Variants in SETBP1 observed in about 807,000 individuals in gnomAD.
The protein encoded by SETBP1 is SET-binding protein.
Under a neutral mutation model 101.0 loss-of-function variants are expected in SETBP1, and 9 were observed. The observed-to-expected ratio is 0.09, with a 90% CI of 0.05 to 0.16. The LOEUF (loss-of-function observed/expected upper bound fraction) is 0.16, where lower values mean the gene tolerates loss of function less well. Ranked by LOEUF, SETBP1 falls within the 10% of genes least tolerant of loss-of-function variation. SETBP1 has a pLI of 1.00. For missense variants in SETBP1, 1,858 were observed against 2,033.8 expected (o/e 0.91, Z 1.66); for synonymous variants, 818 against 788.5 (o/e 1.04, Z -0.63).
At chr18:44,815,932 G>A (rs1216605250) in intron 2 of SETBP1, among the ~76,000 whole-genome samples, 1 of 152,210 alleles carries the variant, frequency 6.6e-6, no homozygotes, top group Non-Finnish European at 1.5e-5. Context: ...AATGTCCAGA[G>A]TCTATAATAT....
intron 4 of SETBP1, among the ~76,000 whole-genome samples, chr18:44,997,844 C>T (rs776128807): frequency 4.6e-5 from 7 of 152,128 alleles, no homozygotes; most frequent in Non-Finnish European, 7.3e-5. Context: ...TGTATCTGGT[C>T]GGTAGTTCCT....
Position 44,952,984 on chromosome 18 carries a change from G to C in SETBP1, c.3644G>C (p.Ser1215Thr). ...KHKEKQKHQH[S>T]EAGHKASKNN... is the part of the protein sequence containing the mutation. ...AAGGAGAAACAGAAGCACCAGCACAGCGAAGCCGGCCACAAAGCTTCTAAG... is the reference window on the plus strand; with the variant it reads ...AAGGAGAAACAGAAGCACCAGCACACCGAAGCCGGCCACAAAGCTTCTAAG... The change falls in exon 4 of 6, where the codon AGC (serine) becomes ACC (threonine). Residue 1215 changes from serine (S) to threonine (T), a missense_variant. Ser to Thr is a moderately conservative substitution (Grantham distance 58). Transcript: ENST00000649279. The C allele has an allele frequency of 6.2e-7, 1 of 1,614,174 alleles. No homozygotes were observed. Among genetic ancestry groups the C allele is most frequent in the African/African-American group, 1.3e-5 (1 of 75,054 alleles).
Position 45,044,902 on chromosome 18 carries a change from A to G in SETBP1, c.4171+6247A>G, listed in dbSNP as rs562663401. Among the ~76,000 whole-genome samples the G allele has an allele frequency of 8.5e-5, 13 of 152,332 alleles. No homozygotes were observed. The East Asian group carries it at 2.5e-3, about 29-fold the overall frequency. Reference sequence around the variant, plus strand: ...TGTTCAGTTAGTGTCCTAACAGGCAATAAAATCATAACCTCGTGGTTTATC... The same window carrying G: ...TGTTCAGTTAGTGTCCTAACAGGCAGTAAAATCATAACCTCGTGGTTTATC... On this transcript the variant is annotated intron_variant, in intron 5 of 5. Transcript: ENST00000649279.
chr18:44,973,797 CA>C (rs1286838239), intron 4 of SETBP1, among the ~76,000 whole-genome samples: 1 of 152,088 alleles, frequency 6.6e-6, no homozygotes, highest in African/African-American at 2.4e-5. Flanking sequence ...AGTGGAGAGG[CA>C]GACAGAGGAG....
At position 45,038,588 on chromosome 18, in the gene SETBP1, C is replaced by T; in HGVS notation, c.4104C>T (p.Asp1368=). 2.5e-6 allele frequency: 4 copies of T among 1,614,202 alleles called. No individual in the cohort carries two copies. Among genetic ancestry groups the T allele is most frequent in the Non-Finnish European group, 3.4e-6 (4 of 1,180,032 alleles). ...MMTRKKPAAV[D]SVTIPPAPVL... ...CCAGGAAGAAGCCAGCCGCAGTTGA[C>T]AGTGTTACAATTCCACCAGCCCCAG... Residue 1368 remains aspartate (D), a synonymous_variant, in exon 5 of 6, where the codon GAC becomes GAT. Transcript: ENST00000649279.
At chr18:44,781,072 G>C (rs550260500) in intron 2 of SETBP1, among the ~76,000 whole-genome samples, 2 of 152,318 alleles carry the variant, frequency 1.3e-5, no homozygotes, top group South Asian at 4.1e-4. Flanking sequence ...AAGTGGGCAG[G>C]CTGCTGGGCT....
intron 3 of SETBP1, chr18:44,869,771 C>G (rs2069230923): frequency 4.2e-6 from 1 of 239,104 alleles, no homozygotes; most frequent in Non-Finnish European, 8.3e-6. Context: ...GGAAATGGGC[C>G]ACTGTTATCT....
intron 2 of SETBP1, among the ~76,000 whole-genome samples, chr18:44,810,363 T>C (rs2071835428): frequency 6.6e-6 from 1 of 152,216 alleles, no homozygotes; most frequent in African/African-American, 2.4e-5. Flanking sequence ...TAACATTATG[T>C]CATTTTTAAG....
At chr18:45,042,489 T>G (rs893174375) in intron 5 of SETBP1, among the ~76,000 whole-genome samples, 4 of 152,212 alleles carry the variant, frequency 2.6e-5, no homozygotes, top group Non-Finnish European at 5.9e-5. Flanking sequence ...GGAAAATACT[T>G]GCCAAATAAT....
chr18:44,734,590 G>C (rs1429068746), intron 2 of SETBP1, among the ~76,000 whole-genome samples: 2 of 152,070 alleles, frequency 1.3e-5, no homozygotes, highest in African/African-American at 4.8e-5. Flanking sequence ...CCATACTTCT[G>C]TTTACATTGC....
intron 5 of SETBP1, 39 bp from the exon 6 acceptor site, chr18:45,063,040 C>T (rs2073912983): frequency 6.2e-7 from 1 of 1,612,292 alleles, no homozygotes; most frequent in African/African-American, 1.3e-5. Context: ...AGGCACCTTG[C>T]ATCCTGTGCT....
chr18:44,846,290 A>G (rs1024441129), intron 2 of SETBP1, among the ~76,000 whole-genome samples: 3 of 152,188 alleles, frequency 2.0e-5, no homozygotes, highest in Middle Eastern at 3.2e-3. Context: ...TTCACATACT[A>G]CAAAATTCAC....
chr18:44,921,302 A>T (rs1318692046), intron 3 of SETBP1, among the ~76,000 whole-genome samples: 3 of 152,220 alleles, frequency 2.0e-5, no homozygotes, highest in African/African-American at 4.8e-5. Flanking sequence ...TTGAACTCTC[A>T]TTCTGATAGT....
At chr18:44,815,748 A>T (rs1445348314) in intron 2 of SETBP1, among the ~76,000 whole-genome samples, 1 of 152,204 alleles carries the variant, frequency 6.6e-6, no homozygotes, top group Non-Finnish European at 1.5e-5. Flanking sequence ...TGAAATTCCA[A>T]CACATTGTTT....
chr18:44,943,168 A>G (rs1270214467), intron 3 of SETBP1, among the ~76,000 whole-genome samples: 2 of 152,236 alleles, frequency 1.3e-5, no homozygotes, highest in African/African-American at 4.8e-5. Flanking sequence ...TGGAATGTGC[A>G]TTCCTCCTGT....
chr18:44,949,355 A>C (rs904227311), intron 3 of SETBP1, among the ~76,000 whole-genome samples: 3 of 152,264 alleles, frequency 2.0e-5, no homozygotes, highest in Admixed American at 1.3e-4. Flanking sequence ...GAACTGGAAC[A>C]GGAGGAAGCG....
chr18:44,806,824 A>G (rs1445414728), intron 2 of SETBP1, among the ~76,000 whole-genome samples: 1 of 151,598 alleles, frequency 6.6e-6, no homozygotes, highest in Non-Finnish European at 1.5e-5. Flanking sequence ...GGCATGTGCC[A>G]TTGCATCTGG....
intron 3 of SETBP1, among the ~76,000 whole-genome samples, chr18:44,921,573 C>T (rs111877464): frequency 6.6e-5 from 10 of 152,204 alleles, no homozygotes; most frequent in South Asian, 4.1e-4. Context: ...TTCAGTAGTG[C>T]TTTATACCTT....
intron 3 of SETBP1, among the ~76,000 whole-genome samples, chr18:44,930,410 G>A (rs941871013): frequency 6.6e-6 from 1 of 152,040 alleles, no homozygotes; most frequent in Admixed American, 6.5e-5. Flanking sequence ...TTTTTGTTGT[G>A]TCTCTGCCAG....
Sources: gnomAD v4.1 joint callset for allele counts (sites outside exome capture counted in the v4.1 genomes callset) on GRCh38, gnomAD v4.1.1 for gene constraint, MANE v1.5 for transcripts, NCBI Gene and HGNC (gene_info 2026-07-23, HGNC 2026-07-21) for gene names.